MRPL51: variants seen among roughly 807,000 people sequenced by gnomAD.
MRPL51 encodes large ribosomal subunit protein mL51.
A neutral mutation model predicts 15.0 loss-of-function variants in MRPL51; 6 were observed. That is an observed-to-expected ratio of 0.40 (90% CI 0.22 to 0.79). MRPL51 has a LOEUF of 0.79. Among genes scored for constraint, MRPL51 ranks in the 30% least tolerant of loss-of-function variants. The pLI is 0.36. For synonymous variants in MRPL51, 65 were observed against 58.3 expected, an observed-to-expected ratio of 1.11 and a Z score of -0.52; for missense variants, 155 against 166.4, an observed-to-expected ratio of 0.93 and a Z score of 0.38.
intron 2 of MRPL51, 98 bp downstream of exon 2, chr12:6,492,764 T>G (rs572578738): frequency 8.2e-7 from 1 of 1,223,092 alleles, no homozygotes; most frequent in South Asian, 1.3e-5. Flanking sequence ...GCTCTTACTA[T>G]TGAGCACAGT....
rs1945924286 is a variant in MRPL51 at position 6,491,977 on chromosome 12, A to G, written c.*294T>C. 2 of 288,078 alleles carry G rather than the reference A, an allele frequency of 6.9e-6. No individual in the cohort carries two copies. The highest frequency in any genetic ancestry group is 6.5e-6 in the Non-Finnish European group (1 of 154,810). 17.8% of individuals were successfully genotyped at this position (288,078 alleles called of 1,614,324 possible). A position where few individuals can be genotyped will look rare whatever the true frequency, so the allele number is the denominator to read the frequency against. On this transcript the variant is annotated 3_prime_UTR_variant, in exon 3 of 3. Transcript: ENST00000229238. ...AACAGCATTATGTCAAAAAGCGCCA[A>G]TAACATTCTCACCAACTTTTCTTTT... is the stretch of plus-strand genomic sequence containing the variant.
chr12:6,492,599 G>T, intron 2 of MRPL51, 132 bp from the exon 3 acceptor site: 2 of 970,884 alleles, frequency 2.1e-6, no homozygotes, highest in Non-Finnish European at 3.1e-6. Flanking sequence ...CAGAACAATA[G>T]CACAGACTCT....
Position 6,492,936 on chromosome 12 carries a change from G to A in MRPL51, c.116C>T (p.Pro39Leu). Residue 39 changes from proline (P) to leucine (L), a missense_variant, in exon 2 of 3, where the codon CCG becomes CTG. Transcript: ENST00000229238. ...PRLIGIRLTL[P>L]PPKVVDRWNE... ...CCAACGATCAACCACTTTGGGGGGCGGGAGAGTGAGCCTTATACCGATCAA... is the reference window on the plus strand; with the variant it reads ...CCAACGATCAACCACTTTGGGGGGCAGGAGAGTGAGCCTTATACCGATCAA... 6.2e-7 allele frequency: 1 copy of A among 1,614,068 alleles called. No homozygotes were observed. The highest frequency in any genetic ancestry group is 8.5e-7 in the Non-Finnish European group (1 of 1,179,994).
At chr12:6,493,027 A>C in intron 1 of MRPL51, 31 bp downstream of exon 1, 1 of 1,613,972 alleles carries the variant, frequency 6.2e-7, no homozygotes, top group South Asian at 1.1e-5. Flanking sequence ...ACTACGAAGC[A>C]GTTATCGGGG....
chr12:6,492,535 A>G, intron 2 of MRPL51, 68 bp from the exon 3 acceptor site: 1 of 1,471,918 alleles, frequency 6.8e-7, no homozygotes, highest in South Asian at 1.3e-5. Context: ...CTAAGCTTTC[A>G]ACCCACGGTT....
In MRPL51 at chr12:6,492,449, G is replaced by A. The variant is rs1300546556; in HGVS notation, c.209C>T (p.Pro70Leu). The change falls in exon 3 of 3, where the codon CCC (proline) becomes CTC (leucine). Residue 70 changes from proline (P) to leucine (L), a missense_variant. Pro to Leu is a moderately conservative substitution (Grantham distance 98). Coordinates refer to ENST00000229238, the MANE Select transcript of MRPL51 (RefSeq NM_016497.4). Reference sequence around the variant, plus strand: ...TATGGGCCCCCTGATCAGTTCTTTGGGGTGCTTTTCAAAGTTTCCTGTGTA... The same window carrying A: ...TATGGGCCCCCTGATCAGTTCTTTGAGGTGCTTTTCAAAGTTTCCTGTGTA... ...IGILGNFEKHPKELIRGPIWL... is the reference protein window; with the variant it reads ...IGILGNFEKHLKELIRGPIWL... 2 of 1,603,530 alleles carry A rather than the reference G, an allele frequency of 1.2e-6. No individual in the cohort carries two copies. The highest frequency in any genetic ancestry group is 2.7e-5 in the African/African-American group (2 of 74,014).
intron 1 of MRPL51, 27 bp from the exon 2 acceptor site, chr12:6,492,999 A>T: frequency 6.2e-7 from 1 of 1,613,652 alleles, no homozygotes; most frequent in South Asian, 1.1e-5. Context: ...GAGGGAATTA[A>T]TCTGAGCCGC....
Position 6,493,080 on chromosome 12 carries a change from C to T in MRPL51, c.57G>A (p.Leu19=). 6.2e-7 allele frequency: 1 copy of T among 1,613,294 alleles called. No homozygotes were observed. Among genetic ancestry groups the T allele is most frequent in the Non-Finnish European group, 8.5e-7 (1 of 1,180,032 alleles). Reference sequence around the variant, plus strand: ...TACCAAGAGAGAAGCTTCTGCACGCCAGAGGCACCCAGTCCCACAGGCGCC... The same window carrying T: ...TACCAAGAGAGAAGCTTCTGCACGCTAGAGGCACCCAGTCCCACAGGCGCC... ...AGRRLWDWVP[L]ACRSFSLGVP... is the part of the protein sequence containing the mutation. Residue 19 remains leucine, a synonymous_variant, in exon 1 of 3, where the codon CTG becomes CTA. Transcript: ENST00000229238.
At position 6,492,302 on chromosome 12, in the gene MRPL51, T is replaced by G; in HGVS notation, c.356A>C (p.Lys119Thr). ...AAACTTCCCATGTCGGTTAAAGTGT[T>G]TGTAGAGATAGCGGATGCGTTTATT... ...NLNKRIRYLY[K>T]HFNRHGKFR Residue 119 changes from lysine to threonine, a missense_variant, in exon 3 of 3, where the codon AAA (lysine) becomes ACA (threonine). Coordinates refer to ENST00000229238, the MANE Select transcript of MRPL51 (RefSeq NM_016497.4). The G allele has an allele frequency of 1.2e-6, 2 of 1,612,070 alleles. No homozygotes were observed. The highest frequency in any genetic ancestry group is 2.2e-5 in the South Asian group (2 of 90,638).
rs779296628 is a variant in MRPL51 at position 6,492,221 on chromosome 12, C to G, written c.*50G>C. The G allele has an allele frequency of 1.3e-6, 2 of 1,505,780 alleles. No homozygotes were observed. Among genetic ancestry groups the G allele is most frequent in the East Asian group, 4.6e-5 (2 of 43,568 alleles). The allele number at this position is 1,505,780 out of a possible 1,614,324, so 93.3% of individuals were successfully genotyped here. On this transcript the variant is annotated 3_prime_UTR_variant, in exon 3 of 3. Transcript: ENST00000229238. Reference sequence around the variant, plus strand: ...CCTCACAGGGAAAAGTACAGTTTCCCTTCTCCAGGGTGACAGATGAGCCTT... The same window carrying G: ...CCTCACAGGGAAAAGTACAGTTTCCGTTCTCCAGGGTGACAGATGAGCCTT...
chr12:6,492,520 AC>A, intron 2 of MRPL51, 53 bp from the exon 3 acceptor site: 3 of 1,527,186 alleles, frequency 2.0e-6, no homozygotes, highest in Non-Finnish European at 2.7e-6. Context: ...CTCATCCTAC[AC>A]CAGCTAAGCT....
Position 6,493,196 on chromosome 12 carries a change from G to A in MRPL51, c.-60C>T, listed in dbSNP as rs1456813815. 40 of 1,582,758 alleles carry A rather than the reference G, an allele frequency of 2.5e-5. No individual in the cohort carries two copies. The highest frequency in any genetic ancestry group is 1.4e-5 in the Non-Finnish European group (16 of 1,157,820). On this transcript the variant is annotated 5_prime_UTR_variant, in exon 1 of 3. It adds an upstream start codon to the 5' untranslated region. Transcript: ENST00000229238. ...TAAGCCCAAGAAGATGACAGGAACC[G>A]TCCCCGCCAACTTCACACGAGTACT...
In MRPL51 at chr12:6,492,227, C is replaced by A; in HGVS notation, c.*44G>T. The A allele has an allele frequency of 6.6e-7, 1 of 1,522,124 alleles. No homozygotes were observed. The highest frequency in any genetic ancestry group is 1.3e-5 in the South Asian group (1 of 77,114). The allele number at this position is 1,522,124 out of a possible 1,614,324, so 94.3% of individuals were successfully genotyped here. A position where few individuals can be genotyped will look rare whatever the true frequency, so the allele number is the denominator to read the frequency against. On this transcript the variant is annotated 3_prime_UTR_variant, in exon 3 of 3. Transcript: ENST00000229238. ...AGGGAAAAGTACAGTTTCCCTTCTCCAGGGTGACAGATGAGCCTTTTCCGA... is the reference window on the plus strand; with the variant it reads ...AGGGAAAAGTACAGTTTCCCTTCTCAAGGGTGACAGATGAGCCTTTTCCGA...
Position 6,492,894 on chromosome 12 carries a change from A to G in MRPL51, c.158T>C (p.Met53Thr), listed in dbSNP as rs749544132. 1.9e-6 allele frequency: 3 copies of G among 1,613,944 alleles called. No individual in the cohort carries two copies. The highest frequency in any genetic ancestry group is 3.3e-5 in the Admixed American group (2 of 60,010). The part of the protein sequence containing the change: ...VVDRWNEKRA[M>T]FGVYDNIGIL... Reference sequence around the variant, plus strand: ...CCCGATGTTGTCATACACTCCGAACATGGCCCTTTTCTCGTTCCAACGATC... The same window carrying G: ...CCCGATGTTGTCATACACTCCGAACGTGGCCCTTTTCTCGTTCCAACGATC... The change falls in exon 2 of 3, where the codon ATG (methionine) becomes ACG (threonine). Residue 53 changes from methionine (M) to threonine (T), a missense_variant. Met to Thr is a moderately conservative substitution (Grantham distance 81, BLOSUM62 -1). Transcript: ENST00000229238.
chr12:6,492,805 C>G, intron 2 of MRPL51, 57 bp downstream of exon 2: 5 of 1,489,016 alleles, frequency 3.4e-6, no homozygotes, highest in Non-Finnish European at 4.7e-6. Context: ...AAAAGATAGT[C>G]GTTACAGCCT....
rs763367781 is a variant in MRPL51, at chr12:6,493,194, C to A, written c.-58G>T. ...AATAAGCCCAAGAAGATGACAGGAA[C>A]CGTCCCCGCCAACTTCACACGAGTA... On this transcript the variant is annotated 5_prime_UTR_variant, in exon 1 of 3. Transcript: ENST00000229238. 1.2e-5 allele frequency: 19 copies of A among 1,586,132 alleles called. No homozygotes were observed. Among genetic ancestry groups the A allele is most frequent in the Non-Finnish European group, 1.6e-5 (18 of 1,160,104 alleles).
chr12:6,492,455 TTTTCAAAG>T lies in MRPL51; in HGVS notation c.195_202del (p.Asn65LysfsTer20), dbSNP rs774092384. 6.2e-7 allele frequency: 1 copy of T among 1,600,986 alleles called. No homozygotes were observed. The highest frequency in any genetic ancestry group is 8.5e-7 in the Non-Finnish European group (1 of 1,175,374). Reference sequence around the variant, plus strand: ...CCCCCTGATCAGTTCTTTGGGGTGCTTTTCAAAGTTTCCTGTGTAATGTGAGAGAACAC... The same window carrying T: ...CCCCCTGATCAGTTCTTTGGGGTGCTTTTCCTGTGTAATGTGAGAGAACAC... On this transcript the variant is annotated frameshift_variant, in exon 3 of 3. Coordinates refer to ENST00000229238, the MANE Select transcript of MRPL51 (RefSeq NM_016497.4). LOFTEE classifies it high-confidence loss of function.
In MRPL51 at chr12:6,492,359, C is replaced by T. The variant is rs781280216; in HGVS notation, c.299G>A (p.Ser100Asn). Residue 100 changes from serine to asparagine, a missense_variant, in exon 3 of 3, where the codon AGT becomes AAT. Physicochemically the swap from Ser to Asn is conservative, Grantham distance 46. Transcript: ENST00000229238. ...GTGCAGGTCATCAGCGAACATTCTA[C>T]TTCCAACCATTTTCCTCTTTCGGAT... ...RCIRKRKMVG[S>N]RMFADDLHNL... The T allele has an allele frequency of 1.9e-6, 3 of 1,614,220 alleles. No homozygotes were observed. Among genetic ancestry groups the T allele is most frequent in the Non-Finnish European group, 2.5e-6 (3 of 1,180,046 alleles).
In MRPL51 at chr12:6,492,854, A is replaced by G. The variant is rs1194835038; in HGVS notation, c.190+8T>C. 1 of 1,598,162 alleles carries G rather than the reference A, an allele frequency of 6.3e-7. No individual in the cohort carries two copies. Among genetic ancestry groups the G allele is most frequent in the Non-Finnish European group, 8.6e-7 (1 of 1,165,686 alleles). On this transcript the variant is annotated splice_region_variant and intron_variant, in intron 2 of 2. Coordinates refer to ENST00000229238, the MANE Select transcript of MRPL51 (RefSeq NM_016497.4). ...AAATTGTGTACCACGTCGAAGGTCA[A>G]GTCTTACCCAGGATCCCGATGTTGT...
Sources: gnomAD v4.1 joint callset for allele counts on GRCh38, gnomAD v4.1.1 for gene constraint, MANE v1.5 for transcripts, NCBI Gene and HGNC (gene_info 2026-07-23, HGNC 2026-07-21) for gene names.